KCNK15: variants seen among roughly 807,000 people sequenced by gnomAD.
KCNK15 encodes potassium two pore domain channel subfamily K member 15.
Under a neutral mutation model 8.5 loss-of-function variants are expected in KCNK15, and 9 were observed. That is an observed-to-expected ratio of 1.06 (90% CI 0.64 to 1.85). The LOEUF is 1.85. KCNK15 is among the 40% of genes most tolerant of loss of function. KCNK15 has a pLI of 0.00. For missense variants in KCNK15, 467 were observed against 476.8 expected (o/e 0.98, Z 0.19); for synonymous variants, 224 against 232.7 (o/e 0.96, Z 0.34).
At chr20:44,749,762 T>G (rs567660565) in intron 1 of KCNK15, among the ~76,000 whole-genome samples, 1 of 152,244 alleles carries the variant, frequency 6.6e-6, no homozygotes, top group South Asian at 2.1e-4. Flanking sequence ...TTGCCACAGT[T>G]TTGTCATTTC....
At position 44,745,927 on chromosome 20, in the gene KCNK15, T is replaced by A; in HGVS notation, c.17T>A (p.Val6Glu). ...CGGGGCGCCATGCGGAGGCCGAGCG[T>A]GCGCGCGGCCGGGCTGGTCCTGTGC... Reference protein sequence around the residue: MRRPSVRAAGLVLCTL... With the variant: MRRPSERAAGLVLCTL... The change falls in exon 1 of 2, where the codon GTG (valine) becomes GAG (glutamate). Residue 6 changes from valine to glutamate, a missense_variant. By Grantham distance (121) the Val-to-Glu change is moderately radical. Coordinates refer to ENST00000372861, the MANE Select transcript of KCNK15 (RefSeq NM_022358.4). 1 of 1,332,296 alleles carries A rather than the reference T, an allele frequency of 7.5e-7. No homozygotes were observed. Among genetic ancestry groups the A allele is most frequent in the Non-Finnish European group, 9.6e-7 (1 of 1,037,350 alleles). 82.5% of individuals were successfully genotyped at this position (1,332,296 alleles called of 1,614,324 possible). A position where few individuals can be genotyped will look rare whatever the true frequency, so the allele number is the denominator to read the frequency against.
chr20:44,750,544 G>C lies in KCNK15; in HGVS notation c.699G>C (p.Thr233=). Residue 233 remains threonine (T), a synonymous_variant, in exon 2 of 2, where the codon ACG becomes ACC. Transcript: ENST00000372861. Reference sequence around the variant, plus strand: ...TCCTCTACATCCTCCTGGGGCTCACGGTCATTGGCGCCTTCCTCAACCTGG... The same window carrying C: ...TCCTCTACATCCTCCTGGGGCTCACCGTCATTGGCGCCTTCCTCAACCTGG... ...FSFLYILLGL[T]VIGAFLNLVV... is the part of the protein sequence containing the mutation. 2 of 1,613,086 alleles carry C rather than the reference G, an allele frequency of 1.2e-6. No individual in the cohort carries two copies. Among genetic ancestry groups the C allele is most frequent in the Non-Finnish European group, 1.7e-6 (2 of 1,179,810 alleles).
In KCNK15 at chr20:44,750,483, C is replaced by T. The variant is rs768821340; in HGVS notation, c.638C>T (p.Ala213Val). The change falls in exon 2 of 2, where the codon GCG becomes GTG. Residue 213 changes from alanine (A) to valine (V), a missense_variant. By Grantham distance (64) the Ala-to-Val change is moderately conservative. Around this residue, in one of 2 missense-constraint regions of KCNK15, gnomAD observed 455 missense variants for 441.2 expected, o/e 1.03. Coordinates refer to ENST00000372861, the MANE Select transcript of KCNK15 (RefSeq NM_022358.4). Reference sequence around the variant, plus strand: ...TTCGTGGCACTGCAGAGCGGCGAGGCGCTGCAGAGGAAGCTCCCCTACGTG... The same window carrying T: ...TTCGTGGCACTGCAGAGCGGCGAGGTGCTGCAGAGGAAGCTCCCCTACGTG... ...GDFVALQSGE[A>V]LQRKLPYVAF... 1.9e-6 allele frequency: 3 copies of T among 1,613,980 alleles called. No individual in the cohort carries two copies. Among genetic ancestry groups the T allele is most frequent in the Non-Finnish European group, 2.5e-6 (3 of 1,179,914 alleles).
Position 44,746,153 on chromosome 20 carries a change from CG to C in KCNK15, c.245del (p.Gly82AlafsTer39). On this transcript the variant is annotated frameshift_variant, in exon 1 of 2. Coordinates refer to ENST00000372861, the MANE Select transcript of KCNK15 (RefSeq NM_022358.4). LOFTEE classifies it low-confidence loss of function (END_TRUNC). Reference sequence around the variant, plus strand: ...GCGCCGGCCGCCAGTGGAAGTTCCCCGGCTCCTTCTACTTCGCCATCACCGT... The same window carrying C: ...GCGCCGGCCGCCAGTGGAAGTTCCCCGCTCCTTCTACTTCGCCATCACCGT... ...HRAGRQWKFP[G>X]SFYFAITVIT... The C allele has an allele frequency of 7.0e-7, 1 of 1,421,950 alleles. No individual in the cohort carries two copies. The highest frequency in any genetic ancestry group is 1.5e-5 in the South Asian group (1 of 64,878). The allele number at this position is 1,421,950 out of a possible 1,614,324, so 88.1% of individuals were successfully genotyped here.
intron 1 of KCNK15, 76 bp from the exon 2 acceptor site, chr20:44,750,053 C>A: frequency 1.5e-6 from 2 of 1,366,276 alleles, no homozygotes; most frequent in Non-Finnish European, 2.0e-6. Context: ...ACACGCCGGG[C>A]AGGCAGGCTG....
chr20:44,746,367 GC>G (rs1343721889), intron 1 of KCNK15, among the ~76,000 whole-genome samples, 174 bp downstream of exon 1: 1 of 152,146 alleles, frequency 6.6e-6, no homozygotes, highest in Non-Finnish European at 1.5e-5. Flanking sequence ...GGTCTCCTTT[GC>G]CCCCCTCTGC....
rs749121882 is a variant in KCNK15, at chr20:44,750,370, C to G, written c.525C>G (p.Ala175=). ...GTGCCGCCACCCTGGCCCTCGGGGC[C>G]GTCGCCTTCTCGCACTTCGAGGGCT... is the stretch of plus-strand genomic sequence containing the variant. The part of the protein sequence containing the change: ...LACAATLALG[A]VAFSHFEGWT... Residue 175 remains alanine, a synonymous_variant, in exon 2 of 2, where the codon GCC becomes GCG. Coordinates refer to ENST00000372861, the MANE Select transcript of KCNK15 (RefSeq NM_022358.4). The G allele has an allele frequency of 1.9e-6, 3 of 1,613,392 alleles. No individual in the cohort carries two copies. The highest frequency in any genetic ancestry group is 2.5e-6 in the Non-Finnish European group (3 of 1,179,818).
chr20:44,750,917 G>A lies in KCNK15; in HGVS notation c.*79G>A. On this transcript the variant is annotated 3_prime_UTR_variant, in exon 2 of 2. Coordinates refer to ENST00000372861, the MANE Select transcript of KCNK15 (RefSeq NM_022358.4). ...ATCAGGGCACCCTCCCCAGGGATTG[G>A]AAACGGATGACGGGCCTCTAGGCGG... 3 of 1,032,494 alleles carry A rather than the reference G, an allele frequency of 2.9e-6. No individual in the cohort carries two copies. Among genetic ancestry groups the A allele is most frequent in the Non-Finnish European group, 3.9e-6 (3 of 777,766 alleles). 64.0% of individuals were successfully genotyped at this position (1,032,494 alleles called of 1,614,324 possible). A position where few individuals can be genotyped will look rare whatever the true frequency, so the allele number is the denominator to read the frequency against.
In KCNK15 at chr20:44,751,377, G is replaced by T; in HGVS notation, c.*539G>T. 1 of 152,366 alleles carries T rather than the reference G, an allele frequency of 6.6e-6. No individual in the cohort carries two copies. Among genetic ancestry groups the T allele is most frequent in the Non-Finnish European group, 1.5e-5 (1 of 68,086 alleles). 9.4% of individuals were successfully genotyped at this position (152,366 alleles called of 1,614,324 possible). ...CATTCTCTGCCCAGTGTATAGAGTGGAATCAGCCCATGTGTGAATGATGGC... is the reference window on the plus strand; with the variant it reads ...CATTCTCTGCCCAGTGTATAGAGTGTAATCAGCCCATGTGTGAATGATGGC... On this transcript the variant is annotated 3_prime_UTR_variant, in exon 2 of 2. Transcript: ENST00000372861.
In KCNK15 at chr20:44,750,410, G is replaced by A. The variant is rs371342693; in HGVS notation, c.565G>A (p.Ala189Thr). The change falls in exon 2 of 2, where the codon GCC (alanine) becomes ACC (threonine). Residue 189 changes from alanine (A) to threonine (T), a missense_variant. Physicochemically the swap from Ala to Thr is moderately conservative, Grantham distance 58. Around this residue, in one of 2 missense-constraint regions of KCNK15, gnomAD observed 455 missense variants for 441.2 expected, o/e 1.03. Coordinates refer to ENST00000372861, the MANE Select transcript of KCNK15 (RefSeq NM_022358.4). ...CTTCGAGGGCTGGACCTTCTTCCACGCCTACTACTACTGCTTCATCACCCT... is the reference window on the plus strand; with the variant it reads ...CTTCGAGGGCTGGACCTTCTTCCACACCTACTACTACTGCTTCATCACCCT... ...SHFEGWTFFH[A>T]YYYCFITLTT... 151 of 1,613,866 alleles carry A rather than the reference G, an allele frequency of 9.4e-5. No homozygotes were observed. Among genetic ancestry groups the A allele is most frequent in the Non-Finnish European group, 1.2e-4 (142 of 1,179,914 alleles).
rs1032261417 is a variant in KCNK15 at position 44,751,685 on chromosome 20, C to T, written c.*847C>T. 2 of 152,238 alleles carry T rather than the reference C, an allele frequency of 1.3e-5. No homozygotes were observed. Among genetic ancestry groups the T allele is most frequent in the African/African-American group, 4.8e-5 (2 of 41,432 alleles). 9.4% of individuals were successfully genotyped at this position (152,238 alleles called of 1,614,324 possible). A position where few individuals can be genotyped will look rare whatever the true frequency, so the allele number is the denominator to read the frequency against. ...CTGGCAGGACTTTCTGGAACAGGCC[C>T]CTGCACCATAAGGGGGCAGAGACAA... On this transcript the variant is annotated 3_prime_UTR_variant, in exon 2 of 2. Coordinates refer to ENST00000372861, the MANE Select transcript of KCNK15 (RefSeq NM_022358.4).
intron 1 of KCNK15, among the ~76,000 whole-genome samples, chr20:44,749,198 G>A (rs369906466): frequency 6.6e-6 from 1 of 152,112 alleles, no homozygotes; most frequent in South Asian, 2.1e-4. Context: ...TAGAGGAGGC[G>A]CATTCTTCTT....
In KCNK15 at chr20:44,750,758, G is replaced by A; in HGVS notation, c.913G>A (p.Gly305Ser). Residue 305 changes from glycine to serine, a missense_variant, in exon 2 of 2, where the codon GGC becomes AGC. Physicochemically the swap from Gly to Ser is moderately conservative, Grantham distance 56 (BLOSUM62 0). Around this residue, in one of 2 missense-constraint regions of KCNK15, gnomAD observed 455 missense variants for 441.2 expected, o/e 1.03. Transcript: ENST00000372861. ...GGAGAGGTGCGCCCGCGACAACCTGGGCTTTTCGCCCCCCTCGAGCCCGGG... is the reference window on the plus strand; with the variant it reads ...GGAGAGGTGCGCCCGCGACAACCTGAGCTTTTCGCCCCCCTCGAGCCCGGG... ...KLERCARDNL[G>S]FSPPSSPGVV... 5 of 1,518,334 alleles carry A rather than the reference G, an allele frequency of 3.3e-6. No individual in the cohort carries two copies. Among genetic ancestry groups the A allele is most frequent in the Non-Finnish European group, 4.4e-6 (5 of 1,138,946 alleles). The allele number at this position is 1,518,334 out of a possible 1,614,324, so 94.1% of individuals were successfully genotyped here. A position where few individuals can be genotyped will look rare whatever the true frequency, so the allele number is the denominator to read the frequency against.
chr20:44,750,028 CG>C (rs2066022021), intron 1 of KCNK15, 100 bp from the exon 2 acceptor site: 4 of 1,109,860 alleles, frequency 3.6e-6, no homozygotes, highest in Non-Finnish European at 5.0e-6. Context: ...CTTCCAGCCC[CG>C]GGGACGGGGA....
chr20:44,746,319 C>A (rs2066007704), intron 1 of KCNK15, 126 bp downstream of exon 1: 3 of 842,126 alleles, frequency 3.6e-6, no homozygotes, highest in Non-Finnish European at 4.9e-6. Flanking sequence ...TTCGGCTCAC[C>A]GAGCCTCCCT....
At chr20:44,747,934 G>T (rs1384564873) in intron 1 of KCNK15, among the ~76,000 whole-genome samples, 1 of 152,218 alleles carries the variant, frequency 6.6e-6, no homozygotes, top group Non-Finnish European at 1.5e-5. Context: ...TGTGGAGGGT[G>T]CTGGTTAATA....
chr20:44,746,179 T>C lies in KCNK15; in HGVS notation c.269T>C (p.Val90Ala), dbSNP rs980837303. ...GGCTCCTTCTACTTCGCCATCACCGTCATCACTACCATCGGTGAGCCGCCC... is the reference window on the plus strand; with the variant it reads ...GGCTCCTTCTACTTCGCCATCACCGCCATCACTACCATCGGTGAGCCGCCC... The part of the protein sequence containing the change: ...FPGSFYFAIT[V>A]ITTIEYGHAA... Residue 90 changes from valine to alanine, a missense_variant, in exon 1 of 2, where the codon GTC becomes GCC. Around this residue, in one of 2 missense-constraint regions of KCNK15, gnomAD observed 455 missense variants for 441.2 expected, o/e 1.03. Coordinates refer to ENST00000372861, the MANE Select transcript of KCNK15 (RefSeq NM_022358.4). 4 of 1,399,742 alleles carry C rather than the reference T, an allele frequency of 2.9e-6. No homozygotes were observed. Among genetic ancestry groups the C allele is most frequent in the South Asian group, 1.7e-5 (1 of 60,412 alleles). 86.7% of individuals were successfully genotyped at this position (1,399,742 alleles called of 1,614,324 possible).
rs773502873 is a variant in KCNK15, at chr20:44,750,532, C to T, written c.687C>T (p.Leu229=). The T allele has an allele frequency of 1.9e-6, 3 of 1,612,016 alleles. No homozygotes were observed. Among genetic ancestry groups the T allele is most frequent in the South Asian group, 2.2e-5 (2 of 91,034 alleles). The change falls in exon 2 of 2, where the codon CTC becomes CTT. Residue 229 remains leucine, a synonymous_variant. Coordinates refer to ENST00000372861, the MANE Select transcript of KCNK15 (RefSeq NM_022358.4). ...TGGCCTTCAGCTTCCTCTACATCCT[C>T]CTGGGGCTCACGGTCATTGGCGCCT... is the stretch of plus-strand genomic sequence containing the variant. ...PYVAFSFLYI[L]LGLTVIGAFL... is the part of the protein sequence containing the mutation.
chr20:44,750,131 T>A lies in KCNK15; in HGVS notation c.286T>A (p.Tyr96Asn). ...FAITVITTIE[Y>N]GHAAPGTDSG... ...TCCCCTCCGCTCTCCCTGCATAGAGTACGGCCACGCCGCGCCGGGTACGGA... is the reference window on the plus strand; with the variant it reads ...TCCCCTCCGCTCTCCCTGCATAGAGAACGGCCACGCCGCGCCGGGTACGGA... The change falls in exon 2 of 2, where the codon TAC (tyrosine) becomes AAC (asparagine). Residue 96 changes from tyrosine to asparagine, a missense_variant and splice_region_variant. By Grantham distance (143) the Tyr-to-Asn change is moderately radical (BLOSUM62 -2). This residue lies in a region of KCNK15 where 455 missense variants were observed against 441.2 expected (regional missense o/e 1.03). Coordinates refer to ENST00000372861, the MANE Select transcript of KCNK15 (RefSeq NM_022358.4). The A allele has an allele frequency of 1.2e-6, 2 of 1,604,842 alleles. No homozygotes were observed. Among genetic ancestry groups the A allele is most frequent in the Non-Finnish European group, 1.7e-6 (2 of 1,177,642 alleles).
Sources: gnomAD v4.1 joint callset for allele counts (sites outside exome capture counted in the v4.1 genomes callset) on GRCh38, gnomAD v4.1.1 for gene constraint, gnomAD v4.1.1 regional missense constraint, MANE v1.5 for transcripts, NCBI Gene and HGNC (gene_info 2026-07-23, HGNC 2026-07-21) for gene names.